SNAP91: variants seen among roughly 807,000 people sequenced by gnomAD.
SNAP91 encodes clathrin coat assembly protein AP180.
In SNAP91, 27 loss-of-function variants were observed where a neutral mutation model predicts 100.3. That is an observed-to-expected ratio of 0.27 (90% confidence interval 0.20 to 0.37). The LOEUF is 0.37. Ranked by LOEUF, SNAP91 falls within the 10% of genes least tolerant of loss-of-function variation. SNAP91 has a pLI of 1.00. For synonymous variants in SNAP91, 404 were observed against 398.6 expected, an observed-to-expected ratio of 1.01 and a Z score of -0.16; for missense variants, 986 against 1,123.7, an observed-to-expected ratio of 0.88 and a Z score of 1.75.
At chr6:83,673,536 C>T (rs114042621) in intron 2 of SNAP91, among the ~76,000 whole-genome samples, 2,119 of 152,218 alleles carry the variant, frequency 0.014, 40 homozygotes, top group African/African-American at 0.049. Flanking sequence ...TCCATTGTAC[C>T]TCCCTCCCTT....
At chr6:83,679,183 T>C (rs955007851) in intron 2 of SNAP91, among the ~76,000 whole-genome samples, 1 of 152,136 alleles carries the variant, frequency 6.6e-6, no homozygotes, top group African/African-American at 2.4e-5. Flanking sequence ...AGGAGAATGT[T>C]CACAGGTTAT....
chr6:83,590,529 A>G (rs1297493385), intron 22 of SNAP91, among the ~76,000 whole-genome samples: 5 of 151,918 alleles, frequency 3.3e-5, no homozygotes, highest in African/African-American at 1.2e-4. Flanking sequence ...GAGTTTTCAC[A>G]TAGAAAAATG....
chr6:83,678,169 G>A (rs759377370), intron 2 of SNAP91, among the ~76,000 whole-genome samples: 27 of 151,912 alleles, frequency 1.8e-4, no homozygotes, highest in Non-Finnish European at 2.9e-5. Flanking sequence ...AAAGAATCTT[G>A]AACTAAAAGT....
intron 27 of SNAP91, among the ~76,000 whole-genome samples, chr6:83,560,520 G>T (rs972889675): frequency 6.6e-6 from 1 of 152,080 alleles, no homozygotes; most frequent in African/African-American, 2.4e-5. Flanking sequence ...TATGAAAGAT[G>T]GTCCTAAAAT....
intron 14 of SNAP91, among the ~76,000 whole-genome samples, chr6:83,604,537 G>C (rs1443461874): frequency 6.6e-6 from 1 of 152,102 alleles, no homozygotes; most frequent in Non-Finnish European, 1.5e-5. Context: ...AGAGATTACA[G>C]ATAGGACTTT....
At chr6:83,673,437 A>C (rs1404013417) in intron 2 of SNAP91, among the ~76,000 whole-genome samples, 1 of 152,172 alleles carries the variant, frequency 6.6e-6, no homozygotes, top group Non-Finnish European at 1.5e-5. Flanking sequence ...ACTATGCTGG[A>C]CTTCCTATCT....
intron 2 of SNAP91, among the ~76,000 whole-genome samples, chr6:83,704,592 C>T (rs1562757410): frequency 6.6e-6 from 1 of 151,764 alleles, no homozygotes; most frequent in Non-Finnish European, 1.5e-5. Flanking sequence ...ATTTTCTTGG[C>T]CTATCAACCT....
chr6:83,553,224 AC>A lies in SNAP91; in HGVS notation c.*1071del, dbSNP rs1773546852. On this transcript the variant is annotated 3_prime_UTR_variant, in exon 30 of 30. Transcript: ENST00000369694. ...ACAGACAGTATGACAACAAATTAAAACTTAAAGAATACAGTATGTACAGTAA... is the reference window on the plus strand; with the variant it reads ...ACAGACAGTATGACAACAAATTAAAATTAAAGAATACAGTATGTACAGTAA... 6.6e-6 allele frequency: 1 copy of A among 152,622 alleles called. No homozygotes were observed. The highest frequency in any genetic ancestry group is 2.4e-5 in the African/African-American group (1 of 41,448). 9.5% of individuals were successfully genotyped at this position (152,622 alleles called of 1,614,324 possible).
intron 2 of SNAP91, among the ~76,000 whole-genome samples, chr6:83,673,195 A>C (rs2098813063): frequency 6.6e-6 from 1 of 152,012 alleles, no homozygotes; most frequent in African/African-American, 2.4e-5. Context: ...TTATGGACTG[A>C]ATATTTGTGT....
chr6:83,560,785 T>C (rs1479401574), intron 27 of SNAP91, 79 bp downstream of exon 27: 3 of 1,198,378 alleles, frequency 2.5e-6, no homozygotes, highest in African/African-American at 1.5e-5. Flanking sequence ...TTATATTCTG[T>C]AGGAATACTT....
intron 13 of SNAP91, among the ~76,000 whole-genome samples, chr6:83,607,329 TTG>T (rs61335064): frequency 0.015 from 2,185 of 144,758 alleles, 42 homozygotes; most frequent in African/African-American, 0.04. Flanking sequence ...CCAAGTTGGG[TTG>T]TGTGTGTGTG....
At chr6:83,558,629 G>A (rs541241950) in intron 28 of SNAP91, among the ~76,000 whole-genome samples, 1 of 152,224 alleles carries the variant, frequency 6.6e-6, no homozygotes, top group Non-Finnish European at 1.5e-5. Flanking sequence ...GAAGCAAAAG[G>A]GATTAAAGTA....
chr6:83,636,821 T>C (rs1401176473), intron 8 of SNAP91, among the ~76,000 whole-genome samples: 2 of 152,214 alleles, frequency 1.3e-5, no homozygotes, highest in Non-Finnish European at 2.9e-5. Context: ...TTTGCTTTCA[T>C]TTGGATAGGG....
intron 7 of SNAP91, among the ~76,000 whole-genome samples, chr6:83,651,459 T>C (rs1175653302): frequency 6.6e-6 from 1 of 152,180 alleles, no homozygotes; most frequent in Non-Finnish European, 1.5e-5. Flanking sequence ...CATCATTTAG[T>C]TCAAAATATT....
At chr6:83,686,313 G>T (rs968388188) in intron 2 of SNAP91, 5 of 312,792 alleles carry the variant, frequency 1.6e-5, no homozygotes, top group Non-Finnish European at 2.3e-5. Flanking sequence ...ATGCTCATCT[G>T]AATAAGCTGA....
intron 8 of SNAP91, among the ~76,000 whole-genome samples, chr6:83,631,071 G>T (rs1370640232): frequency 1.3e-5 from 2 of 151,926 alleles, no homozygotes; most frequent in South Asian, 2.1e-4. Context: ...AGAATTTTTT[G>T]ATTTTCATTT....
At position 83,601,335 on chromosome 6, in the gene SNAP91, G is replaced by A; in HGVS notation, c.1260C>T (p.Ala420=). ...PPTTTAEIAT[A]SASASTTTTV... is the part of the protein sequence containing the mutation. ...TTGTAGTAGTGGAGGCAGAAGCTGA[G>A]GCAGTTGCAATTTCAGCAGTTGTAG... The change falls in exon 16 of 30, where the codon GCC becomes GCT. Residue 420 remains alanine, a synonymous_variant. Transcript: ENST00000369694. 6.2e-7 allele frequency: 1 copy of A among 1,613,598 alleles called. No homozygotes were observed. The highest frequency in any genetic ancestry group is 8.5e-7 in the Non-Finnish European group (1 of 1,179,754).
At chr6:83,687,390 A>G (rs1304182865) in intron 2 of SNAP91, among the ~76,000 whole-genome samples, 1 of 152,212 alleles carries the variant, frequency 6.6e-6, no homozygotes, top group Non-Finnish European at 1.5e-5. Flanking sequence ...CTGAAATTCA[A>G]CTAAAATATA....
chr6:83,669,105 A>G (rs2098737974), intron 2 of SNAP91, among the ~76,000 whole-genome samples: 2 of 152,060 alleles, frequency 1.3e-5, no homozygotes, highest in African/African-American at 2.4e-5. Context: ...TGAAAAACAG[A>G]ATTGTTTCAC....
Sources: gnomAD v4.1 joint callset for allele counts (sites outside exome capture counted in the v4.1 genomes callset) on GRCh38, gnomAD v4.1.1 for gene constraint, MANE v1.5 for transcripts, NCBI Gene and HGNC (gene_info 2026-07-23, HGNC 2026-07-21) for gene names.